CEP112: variants seen among roughly 807,000 people sequenced by gnomAD.
CEP112 encodes the protein centrosomal protein of 112 kDa.
Under a neutral mutation model 153.0 loss-of-function variants are expected in CEP112, and 127 were observed. That is an observed-to-expected ratio of 0.83 (90% CI 0.72 to 0.96). The LOEUF is 0.96. Ranked by LOEUF, CEP112 falls within the 40% of genes least tolerant of loss-of-function variation. CEP112 has a pLI of 0.00. For synonymous variants in CEP112, 358 were observed against 374.4 expected (o/e 0.96, Z 0.51); for missense variants, 1,089 against 1,101.2 (o/e 0.99, Z 0.16).
chr17:65,859,836 GTC>G lies in CEP112; in HGVS notation c.2164-7804_2164-7803del, dbSNP rs1272998506. On this transcript the variant is annotated intron_variant, in intron 20 of 26. Coordinates refer to ENST00000535342, the MANE Select transcript of CEP112 (RefSeq NM_001199165.4). ...AGCCTGGTCAACATAGCGAAACCCT[GTC>G]TCTACTAAAAATACAAAAAAAAAAA... is the stretch of plus-strand genomic sequence containing the variant. Among the ~76,000 whole-genome samples the G allele has an allele frequency of 7.2e-5, 10 of 139,320 alleles. No individual in the cohort carries two copies. In the East Asian group the frequency reaches 1.4e-3, roughly 20 times the overall value. 91.4% of individuals were successfully genotyped at this position (139,320 alleles called of 152,430 possible).
At chr17:65,777,842 G>A (rs2053771403) in intron 21 of CEP112, among the ~76,000 whole-genome samples, 1 of 152,088 alleles carries the variant, frequency 6.6e-6, no homozygotes, top group Non-Finnish European at 1.5e-5. Context: ...ACTCAAAGAA[G>A]TTTGAATGGC....
chr17:66,046,893 CAAG>C (rs1309798767), intron 12 of CEP112, among the ~76,000 whole-genome samples: 1 of 152,074 alleles, frequency 6.6e-6, no homozygotes, highest in Non-Finnish European at 1.5e-5. Flanking sequence ...TCCACAGAGA[CAAG>C]AAGAATTTTC....
At chr17:65,686,113 CTTTTTTT>C (rs35816434) in intron 24 of CEP112, among the ~76,000 whole-genome samples, 2 of 104,314 alleles carry the variant, frequency 1.9e-5, no homozygotes, top group Non-Finnish European at 3.9e-5. Context: ...AAACAACTGG[CTTTTTTT>C]TTTTTTTTTT....
rs192193794 is a variant in CEP112 at position 65,807,800 on chromosome 17, G to C, written c.2394+44004C>G. ...TGTATGGAAATGCCTGAATGTCCAG[G>C]CAGAAGTCTGTTGCAGGGGCAAAGC... is the stretch of plus-strand genomic sequence containing the variant. On this transcript the variant is annotated intron_variant, in intron 21 of 26. Coordinates refer to ENST00000535342, the MANE Select transcript of CEP112 (RefSeq NM_001199165.4). Among the ~76,000 whole-genome samples the C allele has an allele frequency of 5.1e-4, 77 of 152,366 alleles. No homozygotes were observed. The East Asian group carries it at 7.3e-3, about 14-fold the overall frequency.
At chr17:65,865,524 C>T (rs1185553122) in intron 20 of CEP112, among the ~76,000 whole-genome samples, 7 of 152,236 alleles carry the variant, frequency 4.6e-5, no homozygotes, top group Non-Finnish European at 1.0e-4. Flanking sequence ...TAGTGCACCA[C>T]CCACACCCTT....
chr17:65,704,747 G>A (rs761571157), intron 23 of CEP112, among the ~76,000 whole-genome samples: 23 of 152,088 alleles, frequency 1.5e-4, no homozygotes, highest in Non-Finnish European at 2.9e-4. Flanking sequence ...TTCACATGAC[G>A]GATAGAAATC....
intron 17 of CEP112, among the ~76,000 whole-genome samples, chr17:65,981,556 C>T (rs1003711323): frequency 7.0e-6 from 1 of 143,234 alleles, no homozygotes; most frequent in African/African-American, 2.7e-5. Context: ...GATCTTTTCT[C>T]AGTCGTGGTT....
At chr17:65,725,678 T>C (rs1180181221) in intron 23 of CEP112, among the ~76,000 whole-genome samples, 2 of 152,164 alleles carry the variant, frequency 1.3e-5, no homozygotes, top group Non-Finnish European at 2.9e-5. Flanking sequence ...TTAATTGGAC[T>C]TACAGTTCCA....
chr17:65,976,454 G>GA (rs34249154), intron 17 of CEP112, among the ~76,000 whole-genome samples: 78,690 of 151,906 alleles, frequency 0.52, 21,373 homozygotes, highest in African/African-American at 0.6. Flanking sequence ...TATAACTACA[G>GA]AAAAAACCTG....
intron 21 of CEP112, among the ~76,000 whole-genome samples, chr17:65,821,862 T>C (rs1192484443): frequency 6.6e-6 from 1 of 151,810 alleles, no homozygotes; most frequent in Non-Finnish European, 1.5e-5. Context: ...TAATATTGTT[T>C]CTTTAAAAAA....
chr17:66,087,209 T>C (rs2067971643), intron 8 of CEP112, among the ~76,000 whole-genome samples: 1 of 152,214 alleles, frequency 6.6e-6, no homozygotes, highest in Non-Finnish European at 1.5e-5. Flanking sequence ...GAATTTCTGA[T>C]GCAATGCATG....
At chr17:65,952,274 A>G (rs557469093) in intron 18 of CEP112, among the ~76,000 whole-genome samples, 5 of 152,128 alleles carry the variant, frequency 3.3e-5, no homozygotes, top group African/African-American at 4.8e-5. Context: ...AAAGACTGTG[A>G]AACAACTGAA....
In CEP112 at chr17:65,954,341, A is replaced by G. The variant is rs375208714; in HGVS notation, c.1872+7122T>C. On this transcript the variant is annotated intron_variant, in intron 18 of 26. Coordinates refer to ENST00000535342, the MANE Select transcript of CEP112 (RefSeq NM_001199165.4). The stretch of plus-strand genomic sequence containing the variant: ...AATCACCACATCAAGGGAGCACCCC[A>G]TAGGACAAAAGAATCTGAACAGCAG... Among the ~76,000 whole-genome samples the G allele has an allele frequency of 6.6e-5, 10 of 152,332 alleles. No individual in the cohort carries two copies. The South Asian group carries it at 1.0e-3, about 16-fold the overall frequency.
intron 21 of CEP112, among the ~76,000 whole-genome samples, chr17:65,801,820 T>C (rs549526261): frequency 6.6e-6 from 1 of 152,340 alleles, no homozygotes; most frequent in Non-Finnish European, 1.5e-5. Flanking sequence ...GTCTATTAAA[T>C]CCAACATCTG....
intron 17 of CEP112, among the ~76,000 whole-genome samples, chr17:65,980,776 T>C (rs1432003124): frequency 6.6e-6 from 1 of 151,860 alleles, no homozygotes; most frequent in Non-Finnish European, 1.5e-5. Flanking sequence ...TCTTCTCAGC[T>C]TTTTTTTCTT....
At chr17:65,901,565 T>A (rs1178132630) in intron 20 of CEP112, among the ~76,000 whole-genome samples, 5 of 152,122 alleles carry the variant, frequency 3.3e-5, no homozygotes, top group Non-Finnish European at 2.9e-5. Flanking sequence ...TTCTGCCAAA[T>A]GGCTTCCAAC....
intron 4 of CEP112, among the ~76,000 whole-genome samples, chr17:66,140,644 A>G (rs551485131): frequency 6.6e-6 from 1 of 152,182 alleles, no homozygotes; most frequent in Admixed American, 6.5e-5. Context: ...AAAGAAATCA[A>G]GAGAGCAGTC....
intron 17 of CEP112, among the ~76,000 whole-genome samples, chr17:65,966,092 A>T (rs1036600192): frequency 2.0e-5 from 3 of 152,126 alleles, no homozygotes; most frequent in Non-Finnish European, 4.4e-5. Flanking sequence ...CATCACTCAA[A>T]TGCCTTAAAG....
intron 8 of CEP112, among the ~76,000 whole-genome samples, chr17:66,090,233 A>G (rs1019977138): frequency 7.2e-5 from 11 of 152,122 alleles, no homozygotes; most frequent in African/African-American, 2.7e-4. Context: ...CAAAAAATAC[A>G]TATATAAGGA....
Sources: allele counts gnomAD v4.1 joint callset (sites outside exome capture counted in the v4.1 genomes callset), GRCh38; gene constraint gnomAD v4.1.1; transcripts MANE v1.5; gene names NCBI Gene and HGNC (gene_info 2026-07-23, HGNC 2026-07-21).